Variants in INSC observed in about 807,000 individuals in gnomAD.
INSC encodes the protein protein inscuteable homolog.
A neutral mutation model predicts 58.6 loss-of-function variants in INSC; 67 were observed. The ratio of observed to expected loss-of-function variants is 1.14; its 90% confidence interval spans 0.94 to 1.40. INSC has a LOEUF of 1.40. Ranked by LOEUF, INSC falls within the 40% of genes most tolerant of loss-of-function variation. The pLI is 0.00. For missense variants in INSC, 714 were observed against 692.0 expected, an observed-to-expected ratio of 1.03 and a Z score of -0.36; for synonymous variants, 262 against 276.1, an observed-to-expected ratio of 0.95 and a Z score of 0.51.
intron 5 of INSC, among the ~76,000 whole-genome samples, chr11:15,189,505 C>A (rs1050509591): frequency 6.6e-6 from 1 of 152,116 alleles, no homozygotes; most frequent in South Asian, 2.1e-4. Flanking sequence ...ATAGCTGGAA[C>A]TCATAGGCAC....
chr11:15,234,638 AATTTT>A (rs1424071304), intron 9 of INSC, among the ~76,000 whole-genome samples: 5 of 152,114 alleles, frequency 3.3e-5, no homozygotes, highest in South Asian at 2.1e-4. Flanking sequence ...AGTGTTTTTA[AATTTT>A]ATTTTATTAT....
intron 2 of INSC, among the ~76,000 whole-genome samples, chr11:15,167,103 AT>A (rs879372040): frequency 5.4e-4 from 79 of 145,840 alleles, no homozygotes; most frequent in African/African-American, 6.0e-4. Context: ...AATTCTGTCT[AT>A]TTTTTTTTTT....
chr11:15,194,730 A>G (rs999513779), intron 6 of INSC, among the ~76,000 whole-genome samples: 2 of 152,220 alleles, frequency 1.3e-5, no homozygotes, highest in African/African-American at 4.8e-5. Context: ...TAAGGAGCTT[A>G]TTCAGGATCA....
chr11:15,247,640 C>A (rs933038026), downstream of INSC, among the ~76,000 whole-genome samples: 1 of 151,260 alleles, frequency 6.6e-6, no homozygotes, highest in African/African-American at 2.4e-5. Context: ...ACAGATACAA[C>A]AATGGAGCTG....
intron 12 of INSC, among the ~76,000 whole-genome samples, chr11:15,244,519 A>AT (rs1369215846): frequency 1.9e-4 from 29 of 152,186 alleles, no homozygotes; most frequent in Admixed American, 3.9e-4. Flanking sequence ...AATGAGTGGT[A>AT]CCCCTGCCTT....
the INSC span, among the ~76,000 whole-genome samples, chr11:15,264,653 G>A: frequency 2.0e-5 from 3 of 148,120 alleles, no homozygotes; most frequent in South Asian, 2.2e-4. Flanking sequence ...CTACTGCTGC[G>A]TATGTCTGAC....
intron 5 of INSC, chr11:15,188,108 T>G: frequency 1.2e-6 from 1 of 867,288 alleles, no homozygotes; most frequent in East Asian, 1.2e-4. Flanking sequence ...CTGTGCTCAG[T>G]TATAGCTTGG....
downstream of INSC, among the ~76,000 whole-genome samples, chr11:15,247,538 C>T (rs1852601551): frequency 6.6e-6 from 1 of 151,892 alleles, no homozygotes; most frequent in East Asian, 1.9e-4. Flanking sequence ...AACCAGGTGC[C>T]ATGGACTTGT....
chr11:15,174,700 G>A (rs1849515159), intron 2 of INSC, among the ~76,000 whole-genome samples: 1 of 152,220 alleles, frequency 6.6e-6, no homozygotes, highest in Non-Finnish European at 1.5e-5. Context: ...TGAAATGATA[G>A]TGAAATTTGT....
chr11:15,159,732 G>A (rs148232675), intron 2 of INSC, among the ~76,000 whole-genome samples: 3 of 152,178 alleles, frequency 2.0e-5, no homozygotes, highest in Non-Finnish European at 1.5e-5. Flanking sequence ...GCCTTGCTAA[G>A]CTTCAGTTTC....
At chr11:15,164,929 G>T (rs1590384871) in intron 2 of INSC, among the ~76,000 whole-genome samples, 1 of 152,240 alleles carries the variant, frequency 6.6e-6, no homozygotes, top group East Asian at 1.9e-4. Flanking sequence ...TTCGCCTTCT[G>T]CTATGATTGT....
chr11:15,221,913 C>T (rs1851457512), intron 8 of INSC, among the ~76,000 whole-genome samples: 1 of 152,128 alleles, frequency 6.6e-6, no homozygotes, highest in Non-Finnish European at 1.5e-5. Context: ...ATTGGCCTTT[C>T]AGAAGGGAGT....
At chr11:15,221,770 T>C (rs1214555894) in intron 8 of INSC, 122 bp downstream of exon 8, 4 of 847,762 alleles carry the variant, frequency 4.7e-6, no homozygotes, top group Non-Finnish European at 7.1e-6. Context: ...CCTGCATAGA[T>C]GATCATATTT....
chr11:15,173,662 A>G (rs1849478727), intron 2 of INSC, among the ~76,000 whole-genome samples: 3 of 152,142 alleles, frequency 2.0e-5, no homozygotes, highest in Non-Finnish European at 4.4e-5. Flanking sequence ...GTATATGTTC[A>G]AATTCTTTAC....
intron 8 of INSC, 114 bp from the exon 9 acceptor site, chr11:15,225,536 G>A (rs1238836419): frequency 4.8e-6 from 5 of 1,033,740 alleles, no homozygotes; most frequent in Admixed American, 2.7e-5. Flanking sequence ...TCTGTAAAAT[G>A]GGTATTATAA....
intron 3 of INSC, 36 bp downstream of exon 3, chr11:15,176,122 G>A: frequency 6.9e-7 from 1 of 1,456,842 alleles, no homozygotes; most frequent in Non-Finnish European, 9.2e-7. Flanking sequence ...GCGGGAACTG[G>A]AAGTCAGGGT....
chr11:15,177,212 C>A lies in INSC; in HGVS notation c.455+49C>A, dbSNP rs762353693. 39 of 1,461,902 alleles carry A rather than the reference C, an allele frequency of 2.7e-5. 1 individual carries two copies. Among genetic ancestry groups the A allele is most frequent in the Non-Finnish European group, 2.9e-5 (30 of 1,041,548 alleles). 90.6% of individuals were successfully genotyped at this position (1,461,902 alleles called of 1,614,324 possible). A position where few individuals can be genotyped will look rare whatever the true frequency, so the allele number is the denominator to read the frequency against. On this transcript the variant is annotated intron_variant, in intron 4 of 12. Transcript: ENST00000379556. ...CAGGGTCTGCCCACCCGACCTCTGG[C>A]AGGAGAAGGGGCTGGTATCTTCTCC...
intron 7 of INSC, among the ~76,000 whole-genome samples, chr11:15,218,759 C>T (rs2133924577): frequency 6.6e-6 from 1 of 152,318 alleles, no homozygotes; most frequent in African/African-American, 2.4e-5. Flanking sequence ...AGGATGGGGT[C>T]ACTTTCCTGG....
intron 2 of INSC, among the ~76,000 whole-genome samples, chr11:15,169,723 A>G (rs192184213): frequency 1.1e-4 from 17 of 148,114 alleles, no homozygotes; most frequent in Non-Finnish European, 1.0e-4. Context: ...TTTTTTTTGT[A>G]CTTTTAGTAG....
Sources: allele counts gnomAD v4.1 joint callset (sites outside exome capture counted in the v4.1 genomes callset), GRCh38; gene constraint gnomAD v4.1.1; transcripts MANE v1.5; gene names NCBI Gene and HGNC (gene_info 2026-07-23, HGNC 2026-07-21).